The following NR3C1 variants were observed in gnomAD, a reference collection of about 807,000 sequenced individuals.
The protein encoded by NR3C1 is glucocorticoid receptor.
A neutral mutation model predicts 74.0 loss-of-function variants in NR3C1; 14 were observed. That is an observed-to-expected ratio of 0.19 (90% CI 0.12 to 0.30). The LOEUF (loss-of-function observed/expected upper bound fraction) is 0.30, where lower values mean the gene tolerates loss of function less well. NR3C1 is among the 10% of genes least tolerant of loss of function. NR3C1 has a pLI of 1.00. For synonymous variants in NR3C1, 308 were observed against 332.5 expected, an observed-to-expected ratio of 0.93 and a Z score of 0.80; for missense variants, 695 against 909.8, an observed-to-expected ratio of 0.76 and a Z score of 3.04.
chr5:143,404,390 G>T, upstream of NR3C1: 6 of 985,518 alleles, frequency 6.1e-6, no homozygotes, highest in Non-Finnish European at 7.2e-6. Flanking sequence ...GGCCCGGGGG[G>T]AGTCGCGTGC....
chr5:143,402,806 G>A (rs1352375912), intron 1 of NR3C1: 9 of 985,352 alleles, frequency 9.1e-6, no homozygotes, highest in Non-Finnish European at 1.1e-5. Flanking sequence ...ATTCGGGCGA[G>A]TAAAATTCAG....
intron 2 of NR3C1, among the ~76,000 whole-genome samples, chr5:143,370,977 C>T (rs1834134475): frequency 6.6e-6 from 1 of 152,064 alleles, no homozygotes; most frequent in Non-Finnish European, 1.5e-5. Context: ...ATTATCTAGA[C>T]CATAGCCAAG....
At chr5:143,358,913 A>T (rs1561663362) in intron 2 of NR3C1, among the ~76,000 whole-genome samples, 1 of 152,128 alleles carries the variant, frequency 6.6e-6, no homozygotes, top group Non-Finnish European at 1.5e-5. Context: ...AAAAAAAAAA[A>T]ATTAAATCTT....
chr5:143,280,385 A>G lies in NR3C1; in HGVS notation c.*1504T>C, dbSNP rs1562679324. 6.6e-6 allele frequency: 1 copy of G among 152,644 alleles called. No individual in the cohort carries two copies. Among genetic ancestry groups the G allele is most frequent in the Non-Finnish European group, 1.5e-5 (1 of 68,044 alleles). The allele number at this position is 152,644 out of a possible 1,614,324, so 9.5% of individuals were successfully genotyped here. A position where few individuals can be genotyped will look rare whatever the true frequency, so the allele number is the denominator to read the frequency against. ...AATATAAAAATATATTAGAAGTTCC[A>G]TATTTTTAATATTAGATTTTCAGTT... On this transcript the variant is annotated 3_prime_UTR_variant, in exon 9 of 9. Transcript: ENST00000394464.
Position 143,419,479 on chromosome 5 carries a change from C to T in NR3C1, c.-14+15053G>A, listed in dbSNP as rs533815354. ...TAGGTTCTTTTCTATTTTCCCTAAG[C>T]GTCAGCCAGTTTGAGAAATAAAGGG... On this transcript the variant is annotated intron_variant, in intron 1 of 8. Coordinates refer to the NR3C1 transcript ENST00000343796. 2.0e-5 allele frequency among the ~76,000 whole-genome samples: 3 copies of T among 152,208 alleles called. No homozygotes were observed. In the East Asian group the frequency reaches 5.8e-4, roughly 29 times the overall value.
At chr5:143,352,370 T>C (rs528926805) in intron 2 of NR3C1, among the ~76,000 whole-genome samples, 2 of 152,340 alleles carry the variant, frequency 1.3e-5, no homozygotes, top group South Asian at 2.1e-4. Context: ...TGAGTTTTCA[T>C]ATTATGAACT....
In NR3C1 at chr5:143,357,919, C is replaced by A. The variant is rs61752265; in HGVS notation, c.1184+41737G>T. ...TAGACTTCCAGAACTAAAACTAGTT[C>A]TTTTGGTTAATAACTAACGTAAAAC... On this transcript the variant is annotated intron_variant, in intron 2 of 8. Coordinates refer to ENST00000394464, the MANE Select transcript of NR3C1 (RefSeq NM_000176.3). 2.6e-5 allele frequency among the ~76,000 whole-genome samples: 4 copies of A among 152,284 alleles called. No individual in the cohort carries two copies. The South Asian group carries it at 8.3e-4, about 32-fold the overall frequency.
intron 2 of NR3C1, among the ~76,000 whole-genome samples, chr5:143,387,543 T>C (rs925117862): frequency 6.6e-6 from 1 of 152,220 alleles, no homozygotes; most frequent in Non-Finnish European, 1.5e-5. Context: ...CTGCTCTCTT[T>C]GGTTGCCTTC....
At chr5:143,355,381 TG>T (rs1265997287) in intron 2 of NR3C1, among the ~76,000 whole-genome samples, 1 of 151,990 alleles carries the variant, frequency 6.6e-6, no homozygotes, top group East Asian at 1.9e-4. Context: ...TGGGCTGAGG[TG>T]GGAGGACAGT....
At chr5:143,432,037 G>A (rs1409284192) in intron 1 of NR3C1, among the ~76,000 whole-genome samples, 1 of 152,202 alleles carries the variant, frequency 6.6e-6, no homozygotes, top group Non-Finnish European at 1.5e-5. Flanking sequence ...TGGAGGAGCA[G>A]AATATGTGTA....
chr5:143,358,300 G>A (rs1323688025), intron 2 of NR3C1, among the ~76,000 whole-genome samples: 1 of 152,128 alleles, frequency 6.6e-6, no homozygotes, highest in Non-Finnish European at 1.5e-5. Context: ...AAAGGCTCTG[G>A]GACAACTTCT....
chr5:143,361,807 A>C (rs764663039), intron 2 of NR3C1, among the ~76,000 whole-genome samples: 2 of 152,244 alleles, frequency 1.3e-5, no homozygotes, highest in Non-Finnish European at 1.5e-5. Flanking sequence ...CATTTGTTCC[A>C]AAGTTGAACT....
chr5:143,312,134 A>G (rs1821116851), intron 3 of NR3C1, among the ~76,000 whole-genome samples: 1 of 152,128 alleles, frequency 6.6e-6, no homozygotes, highest in Non-Finnish European at 1.5e-5. Flanking sequence ...GTTAAAGTCT[A>G]TTTTTGGCAA....
intron 1 of NR3C1, 27 bp downstream of exon 1, chr5:143,403,184 C>G (rs1044726568): frequency 5.1e-6 from 5 of 984,910 alleles, no homozygotes; most frequent in African/African-American, 3.5e-5. Context: ...CGAGCGCGCC[C>G]CGGCCCCCTC....
In NR3C1 at chr5:143,403,674, G is replaced by T. The variant is rs1302424866; in HGVS notation, c.-477C>A. ...GAGCGAGCGGGACCGAGCGGGGAGC[G>T]GGTGGAGGCGGCGCCACGGCGCGCA... On this transcript the variant is annotated 5_prime_UTR_variant, in exon 1 of 9. Transcript: ENST00000394464. 4 of 985,406 alleles carry T rather than the reference G, an allele frequency of 4.1e-6. No individual in the cohort carries two copies. The highest frequency in any genetic ancestry group is 3.5e-5 in the African/African-American group (2 of 57,240). The allele number at this position is 985,406 out of a possible 1,614,324, so 61.0% of individuals were successfully genotyped here. A position where few individuals can be genotyped will look rare whatever the true frequency, so the allele number is the denominator to read the frequency against.
chr5:143,385,673 C>T (rs954059498), intron 2 of NR3C1, among the ~76,000 whole-genome samples: 2 of 152,226 alleles, frequency 1.3e-5, no homozygotes, highest in Admixed American at 6.5e-5. Flanking sequence ...GTGAACTTTG[C>T]TCCAGTTCCC....
intron 7 of NR3C1, among the ~76,000 whole-genome samples, chr5:143,285,202 T>C (rs1038747119): frequency 1.8e-4 from 27 of 152,194 alleles, no homozygotes; most frequent in African/African-American, 4.8e-4. Context: ...CTTGAGGCCA[T>C]AGAGGAAAGA....
At chr5:143,291,427 C>T (rs750420761) in intron 7 of NR3C1, among the ~76,000 whole-genome samples, 1 of 151,928 alleles carries the variant, frequency 6.6e-6, no homozygotes, top group Non-Finnish European at 1.5e-5. Context: ...GGTTTTACCA[C>T]GTAAGCCAGG....
intron 2 of NR3C1, among the ~76,000 whole-genome samples, chr5:143,335,450 T>C (rs1297483700): frequency 1.3e-5 from 2 of 152,224 alleles, no homozygotes; most frequent in African/African-American, 4.8e-5. Context: ...TGAAGCTAAA[T>C]TGGAAGATAC....
Sources: gnomAD v4.1 joint callset for allele counts (sites outside exome capture counted in the v4.1 genomes callset) on GRCh38, gnomAD v4.1.1 for gene constraint, MANE v1.5 for transcripts, NCBI Gene and HGNC (gene_info 2026-07-23, HGNC 2026-07-21) for gene names.